The following PDE4D variants were observed in gnomAD, a reference collection of about 807,000 sequenced individuals.
The protein encoded by PDE4D is 3',5'-cyclic-AMP phosphodiesterase 4D.
Under a neutral mutation model 87.4 loss-of-function variants are expected in PDE4D, and 24 were observed. The ratio of observed to expected loss-of-function variants is 0.27; its 90% CI spans 0.20 to 0.39. The LOEUF is 0.39. Ranked by LOEUF, PDE4D falls within the 10% of genes least tolerant of loss-of-function variation. The pLI is 1.00. For missense variants in PDE4D, 714 were observed against 1,041.0 expected, an observed-to-expected ratio of 0.69 and a Z score of 4.32; for synonymous variants, 384 against 383.2, an observed-to-expected ratio of 1.00 and a Z score of -0.02.
intron 2 of PDE4D, among the ~76,000 whole-genome samples, chr5:59,997,395 G>A (rs1316698510): frequency 6.6e-6 from 1 of 152,052 alleles, no homozygotes; most frequent in East Asian, 1.9e-4. Flanking sequence ...AACCTTAAAA[G>A]AAATACAAAG....
intron 1 of PDE4D, among the ~76,000 whole-genome samples, chr5:59,444,903 T>C (rs928625103): frequency 6.6e-6 from 1 of 152,204 alleles, no homozygotes. Context: ...ATTCTCCAGT[T>C]TGACAATCCC....
chr5:60,065,522 G>T (rs924473289), intron 2 of PDE4D, among the ~76,000 whole-genome samples: 1 of 151,760 alleles, frequency 6.6e-6, no homozygotes, highest in Non-Finnish European at 1.5e-5. Context: ...GTGCCATGCT[G>T]GTATGCTGTA....
At chr5:59,947,170 T>C (rs369950588) in intron 3 of PDE4D, among the ~76,000 whole-genome samples, 19 of 152,354 alleles carry the variant, frequency 1.2e-4, no homozygotes, top group African/African-American at 4.6e-4. Context: ...GTGATTACAT[T>C]TGGCTATTTC....
intron 1 of PDE4D, among the ~76,000 whole-genome samples, chr5:59,682,337 T>A (rs298068): frequency 0.61 from 92,617 of 151,984 alleles, 29,642 homozygotes; most frequent in East Asian, 0.83. Flanking sequence ...CAAAGCTAAA[T>A]TTGTCAGTAA....
chr5:59,938,262 A>T (rs1756821960), intron 3 of PDE4D, among the ~76,000 whole-genome samples: 1 of 152,182 alleles, frequency 6.6e-6, no homozygotes, highest in Non-Finnish European at 1.5e-5. Context: ...TCACTCAGTT[A>T]AGTCACTAGA....
At chr5:60,200,541 G>GAAAT (rs1741781809) in intron 1 of PDE4D, among the ~76,000 whole-genome samples, 1 of 144,640 alleles carries the variant, frequency 6.9e-6, no homozygotes, top group Non-Finnish European at 1.6e-5. Flanking sequence ...TTTGCTATAA[G>GAAAT]AAATAAAAGC....
intron 1 of PDE4D, among the ~76,000 whole-genome samples, chr5:59,851,085 C>T (rs1264087572): frequency 6.6e-6 from 1 of 151,984 alleles, no homozygotes; most frequent in African/African-American, 2.4e-5. Flanking sequence ...TTGATCTCTC[C>T]ATCCAATGTA....
chr5:59,177,722 T>C (rs765272587), intron 5 of PDE4D, among the ~76,000 whole-genome samples: 80 of 152,336 alleles, frequency 5.3e-4, no homozygotes, highest in Middle Eastern at 3.4e-3. Context: ...CTGTGTGCTC[T>C]AGCAGCCTTT....
intron 1 of PDE4D, among the ~76,000 whole-genome samples, chr5:59,728,512 G>A (rs570890418): frequency 6.6e-6 from 1 of 152,108 alleles, no homozygotes; most frequent in Non-Finnish European, 1.5e-5. Context: ...GAATATGGTG[G>A]GGCAAAGCCA....
intron 1 of PDE4D, among the ~76,000 whole-genome samples, chr5:60,485,129 C>G (rs1171675008): frequency 6.6e-6 from 1 of 152,160 alleles, no homozygotes; most frequent in Non-Finnish European, 1.5e-5. Flanking sequence ...CTACCAGTGT[C>G]TAGCTCCACA....
chr5:59,175,221 C>T (rs565447277), intron 5 of PDE4D, among the ~76,000 whole-genome samples: 3 of 152,084 alleles, frequency 2.0e-5, no homozygotes, highest in Non-Finnish European at 4.4e-5. Context: ...ACATTAAGGA[C>T]GTATGTAGGT....
intron 1 of PDE4D, among the ~76,000 whole-genome samples, chr5:59,845,032 CA>C (rs1180971532): frequency 6.6e-6 from 1 of 152,032 alleles, no homozygotes; most frequent in Non-Finnish European, 1.5e-5. Context: ...GGCTGGTGAT[CA>C]GCAAGAAAGT....
chr5:59,113,343 GAAAA>G (rs2153440460), intron 5 of PDE4D, among the ~76,000 whole-genome samples: 1 of 152,318 alleles, frequency 6.6e-6, no homozygotes, highest in African/African-American at 2.4e-5. Flanking sequence ...CCATAACTCT[GAAAA>G]TACATCAACA....
At chr5:59,377,431 A>AT (rs1562061418) in intron 1 of PDE4D, among the ~76,000 whole-genome samples, 2,757 of 150,396 alleles carry the variant, frequency 0.018, 99 homozygotes, top group African/African-American at 0.065. Flanking sequence ...AAAAAAAAAA[A>AT]AATATGTCAT....
intron 1 of PDE4D, among the ~76,000 whole-genome samples, chr5:59,519,749 T>G (rs866341066): frequency 2.6e-5 from 4 of 152,312 alleles, no homozygotes; most frequent in Middle Eastern, 3.4e-3. Flanking sequence ...AACTCTGCTA[T>G]GAGATTAGAC....
intron 1 of PDE4D, among the ~76,000 whole-genome samples, chr5:59,805,838 G>A (rs1581192259): frequency 6.6e-6 from 1 of 152,248 alleles, no homozygotes. Flanking sequence ...TGAAGTAGAT[G>A]AGATTGTGAA....
chr5:59,290,345 A>G (rs1182241750), intron 1 of PDE4D, among the ~76,000 whole-genome samples: 3 of 152,040 alleles, frequency 2.0e-5, no homozygotes, highest in Admixed American at 1.3e-4. Flanking sequence ...TCCTTAATAA[A>G]TGGTGCTGGG....
At chr5:60,328,655 T>C (rs115985353) in intron 1 of PDE4D, among the ~76,000 whole-genome samples, 340 of 152,224 alleles carry the variant, frequency 2.2e-3, no homozygotes, top group African/African-American at 7.9e-3. Flanking sequence ...CTCATGCATA[T>C]ATGTTTCTGT....
intron 1 of PDE4D, among the ~76,000 whole-genome samples, chr5:59,463,066 CTG>C (rs1801016510): frequency 1.3e-5 from 2 of 152,138 alleles, no homozygotes; most frequent in Admixed American, 6.6e-5. Flanking sequence ...CAATTATTGA[CTG>C]TATATTGAGA....
Sources: allele counts gnomAD v4.1 joint callset (sites outside exome capture counted in the v4.1 genomes callset), GRCh38; gene constraint gnomAD v4.1.1; transcripts MANE v1.5; gene names NCBI Gene and HGNC (gene_info 2026-07-23, HGNC 2026-07-21).